DNM3: variants seen among roughly 807,000 people sequenced by gnomAD.
DNM3 encodes dynamin-3.
DNM3 carries 47 observed loss-of-function variants against 101.6 expected under a neutral mutation model. That is an observed-to-expected ratio of 0.46 (90% CI 0.37 to 0.59). The LOEUF (loss-of-function observed/expected upper bound fraction) is 0.59. DNM3 is among the 20% of genes least tolerant of loss of function. The probability of loss-of-function intolerance (pLI) is 0.00; values close to 1 mark genes in which losing one functional copy is unlikely to be tolerated. For missense variants in DNM3, 849 were observed against 1,085.7 expected (o/e 0.78, Z 3.06); for synonymous variants, 385 against 387.9 (o/e 0.99, Z 0.09).
At chr1:171,915,254 A>G (rs2039621658) in intron 1 of DNM3, among the ~76,000 whole-genome samples, 1 of 152,256 alleles carries the variant, frequency 6.6e-6, no homozygotes, top group African/African-American at 2.4e-5. Flanking sequence ...TTTGGATTTC[A>G]TGCTAAAGAT....
intron 13 of DNM3, among the ~76,000 whole-genome samples, chr1:172,109,825 T>G (rs1021000863): frequency 1.3e-5 from 2 of 152,184 alleles, no homozygotes; most frequent in Admixed American, 6.5e-5. Context: ...CCTCCTGGAG[T>G]ATCTTGAGTT....
intron 14 of DNM3, among the ~76,000 whole-genome samples, chr1:172,208,544 C>A (rs1273134799): frequency 6.6e-6 from 1 of 152,104 alleles, no homozygotes; most frequent in Non-Finnish European, 1.5e-5. Flanking sequence ...GCTGCAGCAT[C>A]AACTCTTTTC....
intron 13 of DNM3, among the ~76,000 whole-genome samples, chr1:172,113,207 T>TGAC (rs1305414951): frequency 6.6e-6 from 1 of 152,218 alleles, no homozygotes. Flanking sequence ...ACTCCAAGAA[T>TGAC]GACCACTGTT....
intron 1 of DNM3, among the ~76,000 whole-genome samples, chr1:171,906,416 C>T (rs1193087693): frequency 6.6e-6 from 1 of 152,044 alleles, no homozygotes; most frequent in African/African-American, 2.4e-5. Context: ...GTGTGAGCCA[C>T]CACGCCCTAC....
At chr1:172,330,026 CAT>C (rs1164885316) in intron 17 of DNM3, among the ~76,000 whole-genome samples, 1 of 152,202 alleles carries the variant, frequency 6.6e-6, no homozygotes, top group Non-Finnish European at 1.5e-5. Context: ...GTGTACCACA[CAT>C]GTTGCCGACT....
chr1:172,273,245 C>A (rs1443274134), intron 15 of DNM3, among the ~76,000 whole-genome samples: 3 of 151,980 alleles, frequency 2.0e-5, no homozygotes, highest in African/African-American at 7.2e-5. Context: ...TCAGTCTTAT[C>A]TTCTTCAATA....
At chr1:172,247,704 G>C (rs1490274367) in intron 14 of DNM3, among the ~76,000 whole-genome samples, 1 of 94,690 alleles carries the variant, frequency 1.1e-5, no homozygotes, top group African/African-American at 3.2e-5. Flanking sequence ...TGTTTATTTT[G>C]AGACAGTTTC....
At chr1:172,319,513 A>G (rs2065584178) in intron 16 of DNM3, among the ~76,000 whole-genome samples, 2 of 152,212 alleles carry the variant, frequency 1.3e-5, no homozygotes, top group Non-Finnish European at 2.9e-5. Flanking sequence ...AGAATCTACA[A>G]TGAACTCAAA....
chr1:172,009,125 ATATATATTTATAT>A (rs1409073844), intron 4 of DNM3, among the ~76,000 whole-genome samples: 1 of 133,560 alleles, frequency 7.5e-6, no homozygotes, highest in Non-Finnish European at 1.5e-5. Context: ...ATCATATAAT[ATATATATTTATAT>A]TATATATATT....
At chr1:172,102,541 G>A (rs2054723023) in intron 13 of DNM3, among the ~76,000 whole-genome samples, 1 of 152,108 alleles carries the variant, frequency 6.6e-6, no homozygotes, top group East Asian at 1.9e-4. Flanking sequence ...TCTTAATGGA[G>A]GGTTTAGAGC....
At chr1:172,103,481 T>TAA (rs2054796701) in intron 13 of DNM3, among the ~76,000 whole-genome samples, 1 of 152,140 alleles carries the variant, frequency 6.6e-6, no homozygotes, top group African/African-American at 2.4e-5. Flanking sequence ...TGGCATAATA[T>TAA]TATAGTGTTC....
intron 14 of DNM3, among the ~76,000 whole-genome samples, chr1:172,250,835 A>T (rs1401068060): frequency 6.6e-6 from 1 of 152,112 alleles, no homozygotes; most frequent in African/African-American, 2.4e-5. Flanking sequence ...AGTTAAGTAC[A>T]TGGGGTATTT....
chr1:172,185,584 A>G (rs2059493919), intron 14 of DNM3, among the ~76,000 whole-genome samples: 1 of 152,126 alleles, frequency 6.6e-6, no homozygotes, highest in South Asian at 2.1e-4. Context: ...GTCACACTCT[A>G]TTCAGAATTA....
chr1:171,929,824 A>G (rs989506223), intron 2 of DNM3, among the ~76,000 whole-genome samples: 1 of 152,210 alleles, frequency 6.6e-6, no homozygotes, highest in Non-Finnish European at 1.5e-5. Context: ...GGATCCTCTT[A>G]AAAGAGTGGT....
In DNM3 at chr1:172,409,021, T is replaced by G. The variant is rs1255925796; in HGVS notation, c.*1180T>G. On this transcript the variant is annotated 3_prime_UTR_variant, in exon 21 of 21. Transcript: ENST00000627582. Reference sequence around the variant, plus strand: ...AAAAGGGTATTGAAACGTTGAAATCTAAAGCAAATTTGCAATTTCTTAAGA... The same window carrying G: ...AAAAGGGTATTGAAACGTTGAAATCGAAAGCAAATTTGCAATTTCTTAAGA... 1.0e-6 allele frequency: 1 copy of G among 985,374 alleles called. No individual in the cohort carries two copies. The highest frequency in any genetic ancestry group is 1.1e-4 in the East Asian group (1 of 8,822). The allele number at this position is 985,374 out of a possible 1,614,324, so 61.0% of individuals were successfully genotyped here. A position where few individuals can be genotyped will look rare whatever the true frequency, so the allele number is the denominator to read the frequency against.
intron 2 of DNM3, among the ~76,000 whole-genome samples, chr1:171,922,690 T>C (rs2040271729): frequency 6.6e-6 from 1 of 152,230 alleles, no homozygotes; most frequent in Admixed American, 6.5e-5. Flanking sequence ...TGCTGTCACC[T>C]CTTTTCATAA....
At chr1:172,055,638 G>T (rs906383723) in intron 10 of DNM3, among the ~76,000 whole-genome samples, 3 of 152,030 alleles carry the variant, frequency 2.0e-5, no homozygotes, top group African/African-American at 7.3e-5. Context: ...AAACAGCCTG[G>T]TTTTCAACAA....
chr1:172,296,667 G>A (rs1469222702), intron 15 of DNM3, among the ~76,000 whole-genome samples: 5 of 152,138 alleles, frequency 3.3e-5, no homozygotes, highest in African/African-American at 9.7e-5. Context: ...ATAAGGGTTT[G>A]TTTCGTGCTA....
intron 2 of DNM3, among the ~76,000 whole-genome samples, chr1:171,959,337 A>T: frequency 6.6e-6 from 1 of 152,186 alleles, no homozygotes; most frequent in Non-Finnish European, 1.5e-5. Context: ...GGAAAAACAG[A>T]TACATAAGTA....
Sources: allele counts gnomAD v4.1 joint callset (sites outside exome capture counted in the v4.1 genomes callset), GRCh38; gene constraint gnomAD v4.1.1; transcripts MANE v1.5; gene names NCBI Gene and HGNC (gene_info 2026-07-23, HGNC 2026-07-21).